The following SLX4IP variants were observed in gnomAD, a reference collection of about 807,000 sequenced individuals.
SLX4IP encodes the protein SLX4 interacting protein.
A neutral mutation model predicts 32.9 loss-of-function variants in SLX4IP; 34 were observed. The ratio of observed to expected loss-of-function variants is 1.03; its 90% CI spans 0.79 to 1.38. SLX4IP has a LOEUF of 1.38. Among genes scored for constraint, SLX4IP ranks in the 40% most tolerant of loss-of-function variants. The pLI is 0.00. For missense variants in SLX4IP, 444 were observed against 479.0 expected, an observed-to-expected ratio of 0.93 and a Z score of 0.68; for synonymous variants, 172 against 171.7, an observed-to-expected ratio of 1.00 and a Z score of -0.01.
chr20:10,463,098 G>A (rs1265548787), intron 2 of SLX4IP, among the ~76,000 whole-genome samples: 1 of 152,152 alleles, frequency 6.6e-6, no homozygotes, highest in Non-Finnish European at 1.5e-5. Context: ...GAGCCAGACG[G>A]TTGACCCTTA....
Position 10,622,706 on chromosome 20 carries a change from C to G in SLX4IP, c.554C>G (p.Thr185Ser). ...AGCAGTGTCACGAGCAAATCGCAGA[C>G]CAGAAGAGACACTGTGGAAACATCT... Reference protein sequence around the residue: ...TKSSVTSKSQTRRDTVETSSD... With the variant: ...TKSSVTSKSQSRRDTVETSSD... The change falls in exon 8 of 8, where the codon ACC (threonine) becomes AGC (serine). Residue 185 changes from threonine to serine, a missense_variant. Thr to Ser is a moderately conservative substitution (Grantham distance 58, BLOSUM62 1). Coordinates refer to ENST00000334534, the MANE Select transcript of SLX4IP (RefSeq NM_001009608.3). The G allele has an allele frequency of 6.2e-7, 1 of 1,613,604 alleles. No individual in the cohort carries two copies. The highest frequency in any genetic ancestry group is 8.5e-7 in the Non-Finnish European group (1 of 1,179,984).
intron 2 of SLX4IP, among the ~76,000 whole-genome samples, chr20:10,546,933 C>T (rs1348415274): frequency 6.6e-6 from 1 of 152,210 alleles, no homozygotes; most frequent in Non-Finnish European, 1.5e-5. Context: ...AGAGCCTATT[C>T]CCAAATGTAT....
chr20:10,512,467 G>C (rs1339652145), intron 2 of SLX4IP, among the ~76,000 whole-genome samples: 1 of 150,740 alleles, frequency 6.6e-6, no homozygotes, highest in East Asian at 2.0e-4. Flanking sequence ...CTGGAGTTCA[G>C]TGGTACAATC....
intron 6 of SLX4IP, among the ~76,000 whole-genome samples, chr20:10,611,720 G>A (rs1183226819): frequency 2.0e-5 from 3 of 152,178 alleles, no homozygotes; most frequent in Non-Finnish European, 2.9e-5. Context: ...CAAAATCTGA[G>A]CATTGCTTCC....
chr20:10,548,333 G>C (rs1178953508), intron 2 of SLX4IP, among the ~76,000 whole-genome samples: 2 of 152,090 alleles, frequency 1.3e-5, no homozygotes, highest in Admixed American at 6.5e-5. Flanking sequence ...CCGCCTCCCG[G>C]GTTCATGCCA....
At position 10,624,044 on chromosome 20, in the gene SLX4IP, G is replaced by C. The variant is rs2067146338; in HGVS notation, c.*665G>C. 1 of 152,510 alleles carries C rather than the reference G, an allele frequency of 6.6e-6. No homozygotes were observed. Among genetic ancestry groups the C allele is most frequent in the African/African-American group, 2.4e-5 (1 of 41,464 alleles). 9.4% of individuals were successfully genotyped at this position (152,510 alleles called of 1,614,324 possible). On this transcript the variant is annotated 3_prime_UTR_variant, in exon 8 of 8. Coordinates refer to ENST00000334534, the MANE Select transcript of SLX4IP (RefSeq NM_001009608.3). ...GCCTCCAGCTCACCAGTTGGGGCCA[G>C]ATGTGCACATGCATCCCCTCGGACT... is the stretch of plus-strand genomic sequence containing the variant.
At chr20:10,444,175 A>C (rs1299991302) in intron 1 of SLX4IP, among the ~76,000 whole-genome samples, 1 of 73,974 alleles carries the variant, frequency 1.4e-5, no homozygotes, top group Non-Finnish European at 3.8e-5. Flanking sequence ...ACAAGGATAG[A>C]GATTAGAGGT....
intron 2 of SLX4IP, among the ~76,000 whole-genome samples, chr20:10,510,568 A>G (rs1454247324): frequency 6.6e-6 from 1 of 151,678 alleles, no homozygotes. Flanking sequence ...GGTGCCTTGC[A>G]AATTATTGTT....
intron 2 of SLX4IP, among the ~76,000 whole-genome samples, chr20:10,480,128 T>G (rs2065509125): frequency 6.6e-6 from 1 of 152,192 alleles, no homozygotes; most frequent in African/African-American, 2.4e-5. Context: ...GTGCGGTGGC[T>G]CACGCCTGTA....
chr20:10,537,693 C>T (rs1307788633), intron 2 of SLX4IP, among the ~76,000 whole-genome samples: 1 of 152,114 alleles, frequency 6.6e-6, no homozygotes, highest in African/African-American at 2.4e-5. Flanking sequence ...TCATGATCTC[C>T]TTATGACATT....
rs527513755 is a variant in SLX4IP, at chr20:10,487,819, G to A, written c.27+29588G>A. On this transcript the variant is annotated intron_variant, in intron 2 of 7. Coordinates refer to ENST00000334534, the MANE Select transcript of SLX4IP (RefSeq NM_001009608.3). ...TGAACAGTAGGTATTTTAGACATGAGGGCAGGCATATTGCAGAAATATTTC... is the reference window on the plus strand; with the variant it reads ...TGAACAGTAGGTATTTTAGACATGAAGGCAGGCATATTGCAGAAATATTTC... 9.2e-5 allele frequency among the ~76,000 whole-genome samples: 14 copies of A among 152,326 alleles called. No homozygotes were observed. The South Asian group carries it at 2.9e-3, about 32-fold the overall frequency.
intron 4 of SLX4IP, among the ~76,000 whole-genome samples, chr20:10,591,816 G>A (rs1205373484): frequency 1.3e-5 from 2 of 152,150 alleles, no homozygotes; most frequent in South Asian, 2.1e-4. Flanking sequence ...GCAACATGGG[G>A]AAGAAATCTG....
At chr20:10,519,172 C>A (rs974396613) in intron 2 of SLX4IP, among the ~76,000 whole-genome samples, 2 of 152,172 alleles carry the variant, frequency 1.3e-5, no homozygotes, top group African/African-American at 4.8e-5. Context: ...TCTGTGTAAT[C>A]ATTGCCTTAT....
intron 2 of SLX4IP, among the ~76,000 whole-genome samples, chr20:10,474,663 T>A (rs1013661939): frequency 6.6e-6 from 1 of 152,206 alleles, no homozygotes; most frequent in Admixed American, 6.5e-5. Context: ...GGCTGGAGCC[T>A]CTCCACTTCC....
At chr20:10,599,613 T>C (rs986503119) in intron 5 of SLX4IP, among the ~76,000 whole-genome samples, 1 of 151,594 alleles carries the variant, frequency 6.6e-6, no homozygotes, top group Non-Finnish European at 1.5e-5. Flanking sequence ...TTGCAGCTGG[T>C]CTCAAACTCC....
At chr20:10,579,299 A>G (rs2066556643) in intron 4 of SLX4IP, among the ~76,000 whole-genome samples, 1 of 152,144 alleles carries the variant, frequency 6.6e-6, no homozygotes, top group African/African-American at 2.4e-5. Flanking sequence ...TTGTCCAAGT[A>G]CCTTTTGTTG....
chr20:10,596,183 A>C (rs977147320), intron 4 of SLX4IP, among the ~76,000 whole-genome samples: 1 of 152,078 alleles, frequency 6.6e-6, no homozygotes, highest in African/African-American at 2.4e-5. Flanking sequence ...TGGACTCAAA[A>C]CTGTAGCTTT....
chr20:10,511,660 T>A (rs1157849459), intron 2 of SLX4IP, among the ~76,000 whole-genome samples: 1 of 152,254 alleles, frequency 6.6e-6, no homozygotes, highest in Admixed American at 6.5e-5. Flanking sequence ...GTACTCTTAC[T>A]ACCCCAGCTT....
chr20:10,444,063 T>C (rs6074141), intron 1 of SLX4IP, among the ~76,000 whole-genome samples: 74,551 of 151,984 alleles, frequency 0.49, 19,755 homozygotes, highest in Non-Finnish European at 0.6. Flanking sequence ...ATACAAGCAT[T>C]GACAAAAGGG....
Sources: gnomAD v4.1 joint callset for allele counts (sites outside exome capture counted in the v4.1 genomes callset) on GRCh38, gnomAD v4.1.1 for gene constraint, MANE v1.5 for transcripts, NCBI Gene and HGNC (gene_info 2026-07-23, HGNC 2026-07-21) for gene names.